NCALD: variants seen among roughly 807,000 people sequenced by gnomAD.
NCALD encodes the protein neurocalcin-delta.
A neutral mutation model predicts 18.6 loss-of-function variants in NCALD; 10 were observed. That is an observed-to-expected ratio of 0.54 (90% CI 0.33 to 0.91). The LOEUF is 0.91. Ranked by LOEUF, NCALD falls within the 40% of genes least tolerant of loss-of-function variation. NCALD has a pLI of 0.03. For missense variants in NCALD, 184 were observed against 247.6 expected, an observed-to-expected ratio of 0.74 and a Z score of 1.72; for synonymous variants, 88 against 87.4, an observed-to-expected ratio of 1.01 and a Z score of -0.04.
At chr8:101,845,506 A>G (rs1814830753) in intron 4 of NCALD, among the ~76,000 whole-genome samples, 1 of 152,226 alleles carries the variant, frequency 6.6e-6, no homozygotes, top group Non-Finnish European at 1.5e-5. Flanking sequence ...AAGCTCAAGG[A>G]TTATACATTT....
At chr8:101,818,363 C>G (rs1399697478) in intron 4 of NCALD, among the ~76,000 whole-genome samples, 1 of 152,066 alleles carries the variant, frequency 6.6e-6, no homozygotes, top group Non-Finnish European at 1.5e-5. Flanking sequence ...CACGCTAGCC[C>G]CTGGAGGTAA....
At chr8:101,963,959 A>G (rs1027395007) in intron 2 of NCALD, among the ~76,000 whole-genome samples, 1 of 152,180 alleles carries the variant, frequency 6.6e-6, no homozygotes, top group African/African-American at 2.4e-5. Context: ...AGCCTCTTAT[A>G]CTTAATGGAA....
At chr8:101,834,251 G>A (rs116378108) in intron 4 of NCALD, among the ~76,000 whole-genome samples, 1,635 of 152,298 alleles carry the variant, frequency 0.011, 29 homozygotes, top group African/African-American at 0.038. Context: ...TTTTCCAGAG[G>A]ACACCACCAT....
rs138323435 is a variant in NCALD, at chr8:101,782,007, T to C, written c.-20+8855A>G. ...TCACTGAACACAACCTAATTTTTCA[T>C]TGGTGACATGATTCAAAGATTTTTC... On this transcript the variant is annotated intron_variant, in intron 1 of 3. Coordinates refer to ENST00000220931, the MANE Select transcript of NCALD (RefSeq NM_032041.3). Among the ~76,000 whole-genome samples the C allele has an allele frequency of 7.0e-3, 1,059 of 150,792 alleles. 35 individuals are homozygous for C. The highest frequency in any genetic ancestry group is 0.049 in the Admixed American group (740 of 15,040).
chr8:102,017,190 A>G (rs1009304068), intron 2 of NCALD, among the ~76,000 whole-genome samples: 16 of 152,284 alleles, frequency 1.1e-4, no homozygotes, highest in African/African-American at 3.8e-4. Flanking sequence ...AGAGGTGTCA[A>G]AGTAATTAAA....
At chr8:102,068,906 T>C (rs1370106843) in intron 1 of NCALD, among the ~76,000 whole-genome samples, 1 of 152,232 alleles carries the variant, frequency 6.6e-6, no homozygotes, top group Non-Finnish European at 1.5e-5. Flanking sequence ...GAAGACATTA[T>C]GCTAAGTGAA....
At chr8:102,004,783 G>C (rs1411937177) in intron 2 of NCALD, among the ~76,000 whole-genome samples, 1 of 152,072 alleles carries the variant, frequency 6.6e-6, no homozygotes, top group Non-Finnish European at 1.5e-5. Context: ...ATGGGGAAAG[G>C]ATTCCCTATT....
At chr8:102,072,314 G>A (rs934951621) in intron 1 of NCALD, among the ~76,000 whole-genome samples, 2 of 152,204 alleles carry the variant, frequency 1.3e-5, no homozygotes, top group East Asian at 1.9e-4. Flanking sequence ...GGATGGGAGG[G>A]GCAGCACTCA....
chr8:101,731,815 G>A (rs572628840), intron 1 of NCALD, among the ~76,000 whole-genome samples: 14 of 152,120 alleles, frequency 9.2e-5, no homozygotes, highest in Non-Finnish European at 1.6e-4. Context: ...AATTGGAGGG[G>A]TACTTTCACT....
chr8:101,697,734 G>A (rs1265641397), intron 2 of NCALD, among the ~76,000 whole-genome samples: 1 of 151,858 alleles, frequency 6.6e-6, no homozygotes, highest in Non-Finnish European at 1.5e-5. Flanking sequence ...AAAGGCCTTT[G>A]ATAAAGGCCT....
chr8:102,066,230 T>C (rs558850851), intron 1 of NCALD, among the ~76,000 whole-genome samples: 29 of 152,360 alleles, frequency 1.9e-4, no homozygotes, highest in African/African-American at 7.0e-4. Flanking sequence ...GAAATAATTT[T>C]TGTCCCCAAG....
At chr8:101,905,794 C>T (rs766145186) in intron 3 of NCALD, among the ~76,000 whole-genome samples, 13 of 152,220 alleles carry the variant, frequency 8.5e-5, no homozygotes, top group Non-Finnish European at 1.8e-4. Flanking sequence ...CTCCTCTATG[C>T]ACCCCAAATT....
chr8:102,040,689 T>C (rs1823022191), intron 1 of NCALD, among the ~76,000 whole-genome samples: 1 of 127,850 alleles, frequency 7.8e-6, no homozygotes, highest in Non-Finnish European at 1.7e-5. Flanking sequence ...AGAACTATGG[T>C]TGCTTCCCAA....
chr8:102,037,457 CAAATT>C (rs74275426), intron 1 of NCALD, among the ~76,000 whole-genome samples: 36,216 of 151,798 alleles, frequency 0.24, 4,647 homozygotes, highest in Non-Finnish European at 0.29. Context: ...ATGAAGCTAC[CAAATT>C]ATAGTTCGTA....
At chr8:101,862,138 A>G (rs1283872603) in intron 4 of NCALD, among the ~76,000 whole-genome samples, 1 of 152,238 alleles carries the variant, frequency 6.6e-6, no homozygotes, top group Non-Finnish European at 1.5e-5. Context: ...CTGACAAAGA[A>G]TTAGAAGTTA....
intron 4 of NCALD, among the ~76,000 whole-genome samples, chr8:101,861,077 T>C (rs1815522370): frequency 6.6e-6 from 1 of 151,932 alleles, no homozygotes; most frequent in African/African-American, 2.4e-5. Flanking sequence ...TCCCCTAGAG[T>C]CCCCAGAGGG....
chr8:102,072,820 C>A lies in NCALD; in HGVS notation c.-210+51417G>T, dbSNP rs534663632. On this transcript the variant is annotated intron_variant, in intron 1 of 6. Transcript: ENST00000311028. ...ATGGGACACCATTCGAAAGATTTTT[C>A]TAAATAATTGTATATTTTTCTGGCA... Among the ~76,000 whole-genome samples, 16 of 152,206 alleles carry A rather than the reference C, an allele frequency of 1.1e-4. 1 individual carries two copies. The highest frequency in any genetic ancestry group is 1.0e-3 in the Admixed American group (16 of 15,298).
chr8:102,043,655 A>G (rs7017181), intron 1 of NCALD, among the ~76,000 whole-genome samples: 46,147 of 148,524 alleles, frequency 0.31, 7,775 homozygotes, highest in African/African-American at 0.4. Flanking sequence ...AATGAAAAGA[A>G]GAGGAAGAAG....
intron 4 of NCALD, among the ~76,000 whole-genome samples, chr8:101,827,140 T>C (rs1430942890): frequency 1.3e-5 from 2 of 152,196 alleles, no homozygotes; most frequent in Non-Finnish European, 2.9e-5. Context: ...CCTTGCCTCT[T>C]TCAGATTCTG....
Sources: allele counts gnomAD v4.1 joint callset (sites outside exome capture counted in the v4.1 genomes callset), GRCh38; gene constraint gnomAD v4.1.1; transcripts MANE v1.5; gene names NCBI Gene and HGNC (gene_info 2026-07-23, HGNC 2026-07-21).